Variants in SLIT2 observed in about 807,000 individuals in gnomAD.
SLIT2 encodes the protein slit guidance ligand 2.
In SLIT2, 41 loss-of-function variants were observed where a neutral mutation model predicts 185.7. That is an observed-to-expected ratio of 0.22 (90% CI 0.17 to 0.29). The LOEUF (loss-of-function observed/expected upper bound fraction) is 0.29, where lower values mean the gene tolerates loss of function less well. Among genes scored for constraint, SLIT2 ranks in the 10% least tolerant of loss-of-function variants. The pLI, the probability that SLIT2 is intolerant of heterozygous loss-of-function variation, is 1.00. For missense variants in SLIT2, 1,571 were observed against 1,909.0 expected (o/e 0.82, Z 3.30); for synonymous variants, 693 against 680.2 (o/e 1.02, Z -0.29).
At chr4:20,464,259 A>G (rs946502682) in intron 4 of SLIT2, among the ~76,000 whole-genome samples, 1 of 152,152 alleles carries the variant, frequency 6.6e-6, no homozygotes, top group African/African-American at 2.4e-5. Context: ...GACCCCATGT[A>G]TCTGTCCTAA....
intron 4 of SLIT2, among the ~76,000 whole-genome samples, chr4:20,445,429 G>A (rs142944942): frequency 6.5e-4 from 99 of 152,286 alleles, no homozygotes; most frequent in African/African-American, 2.1e-3. Context: ...TAAAGAAGAC[G>A]TTTAAAAGGA....
chr4:20,568,314 A>G (rs1461763569), intron 28 of SLIT2, among the ~76,000 whole-genome samples: 1 of 152,212 alleles, frequency 6.6e-6, no homozygotes, highest in Non-Finnish European at 1.5e-5. Flanking sequence ...TTCGATACAT[A>G]CTCAAGATAG....
intron 4 of SLIT2, among the ~76,000 whole-genome samples, chr4:20,363,670 G>C (rs1202806281): frequency 6.6e-6 from 1 of 151,938 alleles, no homozygotes; most frequent in Admixed American, 6.6e-5. Context: ...GAGAAATCTA[G>C]GAAGAAACAC....
intron 4 of SLIT2, among the ~76,000 whole-genome samples, chr4:20,447,478 C>T (rs545782335): frequency 6.6e-6 from 1 of 152,346 alleles, no homozygotes; most frequent in East Asian, 1.9e-4. Flanking sequence ...TTCAAGGTTA[C>T]ACTTATTCTA....
intron 4 of SLIT2, among the ~76,000 whole-genome samples, chr4:20,378,907 A>G (rs973950826): frequency 6.6e-6 from 1 of 152,134 alleles, no homozygotes; most frequent in Non-Finnish European, 1.5e-5. Flanking sequence ...ATTCAGTGCT[A>G]AAGAGAAATG....
intron 4 of SLIT2, among the ~76,000 whole-genome samples, chr4:20,326,257 C>G (rs1399123311): frequency 6.6e-6 from 1 of 151,928 alleles, no homozygotes; most frequent in African/African-American, 2.4e-5. Context: ...TGTCATATAC[C>G]TTTTCTCAGA....
chr4:20,272,441 A>G (rs528618162), intron 4 of SLIT2, among the ~76,000 whole-genome samples: 6 of 152,160 alleles, frequency 3.9e-5, no homozygotes, highest in African/African-American at 1.4e-4. Flanking sequence ...ATTGCAGGGA[A>G]TTTTGAAACA....
chr4:20,479,501 AGCTGAAAACTC>A (rs913294974), intron 5 of SLIT2, among the ~76,000 whole-genome samples: 5 of 152,122 alleles, frequency 3.3e-5, no homozygotes, highest in Non-Finnish European at 5.9e-5. Flanking sequence ...GTGCGTGCAG[AGCTGAAAACTC>A]GCCTCTTCCA....
At chr4:20,400,145 T>C (rs1264517225) in intron 4 of SLIT2, among the ~76,000 whole-genome samples, 1 of 151,842 alleles carries the variant, frequency 6.6e-6, no homozygotes, top group African/African-American at 2.4e-5. Context: ...GGGGACTTTC[T>C]ACTTTATTGT....
At position 20,404,069 on chromosome 4, in the gene SLIT2, C is replaced by G. The variant is rs138191067; in HGVS notation, c.396-63683C>G. On this transcript the variant is annotated intron_variant, in intron 4 of 36. Transcript: ENST00000504154. Reference sequence around the variant, plus strand: ...ACAGTTTGTCATTAAATTTTGAAGCCTTTACAATTTTTCAGTTGCATCATT... The same window carrying G: ...ACAGTTTGTCATTAAATTTTGAAGCGTTTACAATTTTTCAGTTGCATCATT... Among the ~76,000 whole-genome samples the G allele has an allele frequency of 3.2e-4, 48 of 152,004 alleles. No individual in the cohort carries two copies. In the East Asian group the frequency reaches 8.5e-3, roughly 27 times the overall value.
intron 4 of SLIT2, among the ~76,000 whole-genome samples, chr4:20,274,692 T>G (rs778537831): frequency 1.3e-5 from 2 of 151,834 alleles, no homozygotes; most frequent in Admixed American, 1.3e-4. Flanking sequence ...ATCCACAGCA[T>G]AGCTCATAGC....
intron 33 of SLIT2, among the ~76,000 whole-genome samples, chr4:20,604,763 C>A (rs563928441): frequency 6.6e-6 from 1 of 152,162 alleles, no homozygotes; most frequent in Non-Finnish European, 1.5e-5. Context: ...GCCAGAAACA[C>A]CAAAATGAGA....
chr4:20,594,109 A>C (rs1260479732), intron 30 of SLIT2, among the ~76,000 whole-genome samples: 13 of 149,332 alleles, frequency 8.7e-5, no homozygotes, highest in Admixed American at 8.7e-4. Flanking sequence ...ATATATACAC[A>C]TATATATACA....
chr4:20,547,905 C>A (rs1336019066), intron 22 of SLIT2, among the ~76,000 whole-genome samples: 1 of 151,952 alleles, frequency 6.6e-6, no homozygotes, highest in Non-Finnish European at 1.5e-5. Flanking sequence ...TTATTGAGGA[C>A]CTACTGTGTG....
intron 4 of SLIT2, among the ~76,000 whole-genome samples, chr4:20,278,819 G>T (rs1035774317): frequency 2.0e-5 from 3 of 150,774 alleles, no homozygotes; most frequent in Non-Finnish European, 4.4e-5. Flanking sequence ...GGGGGGCGGT[G>T]GGGGGAGGGC....
chr4:20,335,702 C>T (rs1391805199), intron 4 of SLIT2, among the ~76,000 whole-genome samples: 3 of 152,150 alleles, frequency 2.0e-5, no homozygotes, highest in African/African-American at 7.2e-5. Flanking sequence ...GGTGATAAAA[C>T]TGCTCAAGTA....
chr4:20,515,004 T>C (rs1433174978), intron 11 of SLIT2, among the ~76,000 whole-genome samples: 1 of 152,182 alleles, frequency 6.6e-6, no homozygotes, highest in Non-Finnish European at 1.5e-5. Flanking sequence ...GTAAACAGTT[T>C]TTATTGTTTT....
At chr4:20,431,994 TCA>T (rs1729024335) in intron 4 of SLIT2, among the ~76,000 whole-genome samples, 1 of 144,006 alleles carries the variant, frequency 6.9e-6, no homozygotes, top group African/African-American at 2.6e-5. Context: ...TGTAAATCTC[TCA>T]CTCTCTGTGT....
chr4:20,256,858 T>C (rs1711903257), intron 2 of SLIT2, 115 bp downstream of exon 2: 1 of 541,434 alleles, frequency 1.8e-6, no homozygotes, highest in Admixed American at 3.7e-5. Context: ...ATTTAAAAGG[T>C]CATGCTTTCC....
Sources: gnomAD v4.1 joint callset for allele counts (sites outside exome capture counted in the v4.1 genomes callset) on GRCh38, gnomAD v4.1.1 for gene constraint, MANE v1.5 for transcripts, NCBI Gene and HGNC (gene_info 2026-07-23, HGNC 2026-07-21) for gene names.